SHQ1: variants seen among roughly 807,000 people sequenced by gnomAD.
SHQ1 encodes the protein protein SHQ1 homolog.
A neutral mutation model predicts 53.8 loss-of-function variants in SHQ1; 49 were observed. The observed-to-expected ratio is 0.91, with a 90% CI of 0.72 to 1.16. The LOEUF is 1.16. SHQ1 is among the 50% of genes most tolerant of loss of function. SHQ1 has a pLI of 0.00. For missense variants in SHQ1, 738 were observed against 683.1 expected (o/e 1.08, Z -0.90); for synonymous variants, 243 against 251.0 (o/e 0.97, Z 0.30).
chr3:72,816,834 T>C (rs1474714724), intron 7 of SHQ1, among the ~76,000 whole-genome samples: 1 of 152,224 alleles, frequency 6.6e-6, no homozygotes, highest in African/African-American at 2.4e-5. Flanking sequence ...ATTTTGCATC[T>C]GCTGACTTCT....
intron 10 of SHQ1, among the ~76,000 whole-genome samples, chr3:72,751,508 G>GTATATATATA (rs371779807): frequency 2.7e-4 from 32 of 116,976 alleles, no homozygotes; most frequent in South Asian, 9.4e-4. Flanking sequence ...GTGTGTGTGT[G>GTATATATATA]TATATATATA....
At chr3:72,788,918 G>C (rs1188843405) in intron 10 of SHQ1, among the ~76,000 whole-genome samples, 1 of 151,920 alleles carries the variant, frequency 6.6e-6, no homozygotes, top group African/African-American at 2.4e-5. Context: ...CTAATCTCAA[G>C]TACCCAGGGA....
intron 10 of SHQ1, among the ~76,000 whole-genome samples, chr3:72,775,834 T>A (rs933354994): frequency 6.6e-6 from 1 of 152,052 alleles, no homozygotes; most frequent in African/African-American, 2.4e-5. Flanking sequence ...GCAATAAAAT[T>A]CAAAACTATT....
Position 72,749,573 on chromosome 3 carries a change from C to T in SHQ1, c.*711G>A, listed in dbSNP as rs1198354918. 2.7e-5 allele frequency: 6 copies of T among 220,562 alleles called. No individual in the cohort carries two copies. Among genetic ancestry groups the T allele is most frequent in the East Asian group, 2.0e-4 (3 of 15,130 alleles). 13.7% of individuals were successfully genotyped at this position (220,562 alleles called of 1,614,324 possible). A position where few individuals can be genotyped will look rare whatever the true frequency, so the allele number is the denominator to read the frequency against. ...CAAGGGCACTTGGGAATGATGGGTC[C>T]GTTCCTCACTTCAGTTGTGGTGATA... On this transcript the variant is annotated 3_prime_UTR_variant, in exon 11 of 11. Coordinates refer to ENST00000325599, the MANE Select transcript of SHQ1 (RefSeq NM_018130.3).
At chr3:72,797,393 G>A (rs1249369019) in intron 9 of SHQ1, among the ~76,000 whole-genome samples, 2 of 152,194 alleles carry the variant, frequency 1.3e-5, no homozygotes, top group African/African-American at 4.8e-5. Context: ...TGTTCTACAT[G>A]TGGGAGTACA....
the SHQ1 span, among the ~76,000 whole-genome samples, chr3:72,734,535 C>T: frequency 1.3e-5 from 2 of 151,444 alleles, no homozygotes; most frequent in African/African-American, 2.4e-5. Flanking sequence ...GGATTGCAGG[C>T]GTGAGCCACT....
At chr3:72,779,064 T>C (rs1441259836) in intron 10 of SHQ1, among the ~76,000 whole-genome samples, 2 of 152,232 alleles carry the variant, frequency 1.3e-5, no homozygotes, top group Non-Finnish European at 2.9e-5. Context: ...TCCCATCATA[T>C]GCTGAAAATC....
chr3:72,744,864 A>T (rs1054340874), downstream of SHQ1, among the ~76,000 whole-genome samples: 1 of 141,990 alleles, frequency 7.0e-6, no homozygotes, highest in Non-Finnish European at 1.5e-5. Context: ...GCGTTTATGA[A>T]GCTTCATTTG....
chr3:72,844,124 A>G (rs1312821677), intron 2 of SHQ1, among the ~76,000 whole-genome samples: 1 of 152,222 alleles, frequency 6.6e-6, no homozygotes, highest in African/African-American at 2.4e-5. Context: ...ACTCTAGGAA[A>G]TAGAACCGGA....
In SHQ1 at chr3:72,758,731, G is replaced by A. The variant is rs143911385; in HGVS notation, c.1182-7895C>T. On this transcript the variant is annotated intron_variant, in intron 10 of 10. Coordinates refer to ENST00000325599, the MANE Select transcript of SHQ1 (RefSeq NM_018130.3). ...ATTACAGGCACTCACCACCACGCCC[G>A]GCTAATTTTTGTATTTTGGTAGAGA... Among the ~76,000 whole-genome samples the A allele has an allele frequency of 2.7e-3, 411 of 151,958 alleles. 2 individuals are homozygous for A. The highest frequency in any genetic ancestry group is 9.5e-3 in the African/African-American group (394 of 41,426).
chr3:72,739,121 G>T, the SHQ1 span, among the ~76,000 whole-genome samples: 1 of 152,256 alleles, frequency 6.6e-6, no homozygotes, highest in Non-Finnish European at 1.5e-5. Flanking sequence ...GGAGCTGCCC[G>T]CCTGCTTCGC....
chr3:72,846,427 C>T, intron 1 of SHQ1: 2 of 883,926 alleles, frequency 2.3e-6, no homozygotes, highest in Non-Finnish European at 3.4e-6. Context: ...TCCCAAGTAG[C>T]TAGGACTACA....
chr3:72,730,723 C>T, the SHQ1 span, among the ~76,000 whole-genome samples: 1 of 152,280 alleles, frequency 6.6e-6, no homozygotes, highest in Admixed American at 6.5e-5. Flanking sequence ...AATTAAGACA[C>T]TTCATGACCA....
At chr3:72,846,907 C>T (rs1336426221) in intron 1 of SHQ1, among the ~76,000 whole-genome samples, 3 of 152,158 alleles carry the variant, frequency 2.0e-5, no homozygotes, top group Non-Finnish European at 2.9e-5. Flanking sequence ...TTTGCTACCA[C>T]CATAATCTTC....
intron 10 of SHQ1, among the ~76,000 whole-genome samples, chr3:72,784,606 T>C (rs1307546700): frequency 6.6e-6 from 1 of 152,214 alleles, no homozygotes; most frequent in Non-Finnish European, 1.5e-5. Context: ...TTACCAAGAA[T>C]GATTTTAATC....
chr3:72,803,969 C>T (rs189095901), intron 9 of SHQ1, among the ~76,000 whole-genome samples: 101 of 152,244 alleles, frequency 6.6e-4, no homozygotes, highest in African/African-American at 2.4e-3. Flanking sequence ...CAAGCTGCAG[C>T]GCAGTGGCAT....
chr3:72,765,557 A>ATATATATATATTT (rs1491527508), intron 10 of SHQ1, among the ~76,000 whole-genome samples: 2 of 57,188 alleles, frequency 3.5e-5, no homozygotes, highest in African/African-American at 1.6e-4. Context: ...ATATATATAT[A>ATATATATATATTT]TTTTTTTTTT....
At chr3:72,838,363 A>G (rs996858094) in intron 4 of SHQ1, among the ~76,000 whole-genome samples, 2 of 152,248 alleles carry the variant, frequency 1.3e-5, no homozygotes, top group Non-Finnish European at 2.9e-5. Flanking sequence ...TTTCCCCTAC[A>G]TTAGGGAATA....
intron 9 of SHQ1, among the ~76,000 whole-genome samples, chr3:72,802,624 C>A (rs1706822837): frequency 6.6e-6 from 1 of 152,098 alleles, no homozygotes; most frequent in African/African-American, 2.4e-5. Context: ...TTTTTGCCTT[C>A]TACTTTCTCA....
Sources: allele counts gnomAD v4.1 joint callset (sites outside exome capture counted in the v4.1 genomes callset), GRCh38; gene constraint gnomAD v4.1.1; transcripts MANE v1.5; gene names NCBI Gene and HGNC (gene_info 2026-07-23, HGNC 2026-07-21).